CPT1A: variants seen among roughly 807,000 people sequenced by gnomAD.
The protein encoded by CPT1A is carnitine O-palmitoyltransferase 1, liver isoform.
CPT1A carries 64 observed loss-of-function variants against 100.8 expected under a neutral mutation model. The ratio of observed to expected loss-of-function variants is 0.63; its 90% CI spans 0.52 to 0.78. The LOEUF (loss-of-function observed/expected upper bound fraction) is 0.78. Among genes scored for constraint, CPT1A ranks in the 30% least tolerant of loss-of-function variants. The pLI is 0.00. For synonymous variants in CPT1A, 363 were observed against 396.0 expected, an observed-to-expected ratio of 0.92 and a Z score of 0.99; for missense variants, 802 against 1,034.1, an observed-to-expected ratio of 0.78 and a Z score of 3.08.
At position 68,759,664 on chromosome 11, in the gene CPT1A, G is replaced by A; in HGVS notation, c.2143-3C>T. ...ACACCATAGCCGTCATCAGCAACCT[G>A]GAGGACAAGGGAATTTGAATTTGTT... On this transcript the variant is annotated splice_region_variant and splice_polypyrimidine_tract_variant and intron_variant, in intron 17 of 18. Transcript: ENST00000265641. 1 of 1,601,092 alleles carries A rather than the reference G, an allele frequency of 6.2e-7. No homozygotes were observed. Among genetic ancestry groups the A allele is most frequent in the Non-Finnish European group, 8.6e-7 (1 of 1,168,194 alleles).
At chr11:68,843,452 T>A (rs1021571812), upstream of CPT1A, among the ~76,000 whole-genome samples, 2 of 151,388 alleles carry the variant, frequency 1.3e-5, no homozygotes, top group Non-Finnish European at 2.9e-5. The surrounding 1 kb of genome is among the most constrained non-coding windows in gnomAD (Gnocchi z 4.0). Context: ...GTAGGATAGA[T>A]CCCTGGAGGG....
chr11:68,827,906 A>AC (rs1162693562), intron 1 of CPT1A, among the ~76,000 whole-genome samples: 7 of 151,904 alleles, frequency 4.6e-5, no homozygotes, highest in African/African-American at 1.2e-4. Flanking sequence ...GCTGTCCTGC[A>AC]CCCCCCTGCT....
intron 3 of CPT1A, among the ~76,000 whole-genome samples, chr11:68,808,537 A>AAT (rs1335234973): frequency 6.6e-6 from 1 of 151,274 alleles, no homozygotes; most frequent in East Asian, 2.0e-4. Flanking sequence ...ACATCCAACT[A>AAT]ATTTTTGTAT....
At chr11:68,799,059 C>T (rs1404089037) in intron 6 of CPT1A, among the ~76,000 whole-genome samples, 159 bp downstream of exon 6, 3 of 152,172 alleles carry the variant, frequency 2.0e-5, no homozygotes, top group East Asian at 1.9e-4. Flanking sequence ...AACACACACA[C>T]ACTCCACTCT....
chr11:68,790,633 C>T (rs1044741183), intron 9 of CPT1A, among the ~76,000 whole-genome samples: 10 of 152,052 alleles, frequency 6.6e-5, no homozygotes, highest in African/African-American at 9.7e-5. Flanking sequence ...ACCTTGATCT[C>T]GGACTCTGGC....
At position 68,755,059 on chromosome 11, in the gene CPT1A, AC is replaced by A. The variant is rs1283890430; in HGVS notation, c.*2584del. 1.8e-6 allele frequency: 1 copy of A among 557,504 alleles called. No homozygotes were observed. Among genetic ancestry groups the A allele is most frequent in the Non-Finnish European group, 3.2e-6 (1 of 311,880 alleles). 34.5% of individuals were successfully genotyped at this position (557,504 alleles called of 1,614,324 possible). ...GTTCCAATTAAATTAAACAGATAAT[AC>A]TCTTATCACCCCCCTTGGACATGTA... On this transcript the variant is annotated 3_prime_UTR_variant, in exon 19 of 19. Transcript: ENST00000265641.
rs1391533856 is a variant in CPT1A at position 68,841,479 on chromosome 11, G to A, written c.-14+296C>T. On this transcript the variant is annotated intron_variant, in intron 1 of 18. Coordinates refer to ENST00000265641, the MANE Select transcript of CPT1A (RefSeq NM_001876.4). The surrounding 1 kb of genome is among the most constrained non-coding windows in gnomAD (Gnocchi z 6.3). ...CCGGAGGCGTCCAGCCAAGTCCGGA[G>A]GGCCGAGCATCCCTCCCGCGGCCGC... is the stretch of plus-strand genomic sequence containing the variant. Among the ~76,000 whole-genome samples the A allele has an allele frequency of 6.6e-6, 1 of 152,102 alleles. No individual in the cohort carries two copies. Among genetic ancestry groups the A allele is most frequent in the Non-Finnish European group, 1.5e-5 (1 of 67,962 alleles).
chr11:68,780,473 G>A (rs191093388), intron 12 of CPT1A, among the ~76,000 whole-genome samples, 167 bp downstream of exon 12: 9 of 152,192 alleles, frequency 5.9e-5, no homozygotes, highest in East Asian at 3.9e-4. Flanking sequence ...TAGTAGAGAC[G>A]GGGTTTCACC....
At chr11:68,791,789 G>A (rs578027805) in intron 9 of CPT1A, among the ~76,000 whole-genome samples, 51 of 152,112 alleles carry the variant, frequency 3.4e-4, no homozygotes, top group African/African-American at 1.1e-3. Context: ...TGCCCACTTC[G>A]GCCTCCCAAA....
At chr11:68,784,712 G>A (rs2153998353) in intron 10 of CPT1A, 103 bp downstream of exon 10, 2 of 1,138,272 alleles carry the variant, frequency 1.8e-6, no homozygotes, top group South Asian at 1.3e-5. Context: ...GAGGTGGGGA[G>A]TCCCGTGCCA....
rs185044831 is a variant in CPT1A at position 68,810,068 on chromosome 11, C to T, written c.281+2369G>A. 1.1e-4 allele frequency among the ~76,000 whole-genome samples: 16 copies of T among 152,286 alleles called. No individual in the cohort carries two copies. The East Asian group carries it at 2.7e-3, about 26-fold the overall frequency. On this transcript the variant is annotated intron_variant, in intron 3 of 18. Coordinates refer to ENST00000265641, the MANE Select transcript of CPT1A (RefSeq NM_001876.4). ...TGGCATGTGCCTGCAGTCCCAGGTA[C>T]TCAAGAGGCTGAGGCAGGAGAATCA... is the stretch of plus-strand genomic sequence containing the variant.
At chr11:68,788,645 A>AAAAAAAAAAAAAAAAAAAAAT (rs1855535060) in intron 9 of CPT1A, among the ~76,000 whole-genome samples, 1 of 149,886 alleles carries the variant, frequency 6.7e-6, no homozygotes, top group Non-Finnish European at 1.5e-5. Flanking sequence ...AAAAAAAAAA[A>AAAAAAAAAAAAAAAAAAAAAT]AAAAAAAAAG....
chr11:68,782,032 A>T (rs1855327949), intron 10 of CPT1A, 73 bp from the exon 11 acceptor site: 4 of 1,372,876 alleles, frequency 2.9e-6, no homozygotes, highest in Non-Finnish European at 3.1e-6. Context: ...GAAATGACAC[A>T]ATCAAACCTT....
rs3019580 is a variant in CPT1A at position 68,805,465 on chromosome 11, A to T, written c.454-1364T>A. ...GATGCTGTCTCAAAAAAAAAAAAAA[A>T]TTTGTTTGGCAAAGAGTGGAGTCCC... On this transcript the variant is annotated intron_variant, in intron 4 of 18. Transcript: ENST00000265641. 5.6e-4 allele frequency among the ~76,000 whole-genome samples: 85 copies of T among 151,676 alleles called. 1 individual carries two copies. Among genetic ancestry groups the T allele is most frequent in the Admixed American group, 2.8e-3 (42 of 15,206 alleles).
Position 68,799,129 on chromosome 11 carries a change from G to A in CPT1A, c.693+89C>T. The A allele has an allele frequency of 2.4e-6, 3 of 1,267,562 alleles. No homozygotes were observed. The East Asian group carries it at 7.0e-5, about 30-fold the overall frequency. 78.5% of individuals were successfully genotyped at this position (1,267,562 alleles called of 1,614,324 possible). A position where few individuals can be genotyped will look rare whatever the true frequency, so the allele number is the denominator to read the frequency against. ...GGTGTGATTTTGGCTAATCCAAACT[G>A]TCATTTCAGCCCTGTTATCCCTGCC... On this transcript the variant is annotated intron_variant, in intron 6 of 18. Transcript: ENST00000265641.
In CPT1A at chr11:68,796,951, C is replaced by G; in HGVS notation, c.694-18G>C. 1 of 1,613,266 alleles carries G rather than the reference C, an allele frequency of 6.2e-7. No homozygotes were observed. The highest frequency in any genetic ancestry group is 1.3e-5 in the African/African-American group (1 of 74,986). The stretch of plus-strand genomic sequence containing the variant: ...TCGCTCACCTAGTGGGCGCAAACAC[C>G]AGACAAACCCGCAGGCTCAGCAGGG... On this transcript the variant is annotated intron_variant, in intron 6 of 18. Transcript: ENST00000265641.
chr11:68,779,921 C>T (rs1468014962), intron 12 of CPT1A, among the ~76,000 whole-genome samples: 1 of 152,110 alleles, frequency 6.6e-6, no homozygotes, highest in East Asian at 1.9e-4. Flanking sequence ...AAAAGACACG[C>T]TGCATGTTTA....
Position 68,763,256 on chromosome 11 carries a change from G to C in CPT1A, c.1741-495C>G, listed in dbSNP as rs527393225. The stretch of plus-strand genomic sequence containing the variant: ...GGAAGGGCCTGGTGGAGGTGGGTCA[G>C]TTTCTAGGTTAACCAGGTTTCTGTT... On this transcript the variant is annotated intron_variant, in intron 14 of 18. Transcript: ENST00000265641. Among the ~76,000 whole-genome samples, 15 of 152,190 alleles carry C rather than the reference G, an allele frequency of 9.9e-5. No individual in the cohort carries two copies. The South Asian group carries it at 1.2e-3, about 13-fold the overall frequency.
chr11:68,840,623 G>A (rs531059027), intron 1 of CPT1A, among the ~76,000 whole-genome samples: 4 of 152,362 alleles, frequency 2.6e-5, no homozygotes, highest in African/African-American at 9.6e-5. Context: ...AGGTAGTTGG[G>A]ATTTTTAACT....
Sources: gnomAD v4.1 joint callset for allele counts (sites outside exome capture counted in the v4.1 genomes callset) on GRCh38, gnomAD v4.1.1 for gene constraint, Gnocchi (gnomAD v3.1) non-coding constraint, MANE v1.5 for transcripts, NCBI Gene and HGNC (gene_info 2026-07-23, HGNC 2026-07-21) for gene names.